Variants in SRGAP2B observed in about 807,000 individuals in gnomAD.
SRGAP2B encodes the protein SLIT-ROBO Rho GTPase activating protein 2B.
In SRGAP2B, 9 loss-of-function variants were observed where a neutral mutation model predicts 22.2. That is an observed-to-expected ratio of 0.41 (90% CI 0.24 to 0.71). SRGAP2B has a LOEUF of 0.71. Among genes scored for constraint, SRGAP2B ranks in the 30% least tolerant of loss-of-function variants. The pLI, the probability that SRGAP2B is intolerant of heterozygous loss-of-function variation, is 0.35. For missense variants in SRGAP2B, 114 were observed against 235.8 expected (o/e 0.48, Z 3.38); for synonymous variants, 36 against 87.4 (o/e 0.41, Z 3.28).
At chr1:144,984,095 C>A (rs587604038) in intron 3 of SRGAP2B, among the ~76,000 whole-genome samples, 1 of 150,418 alleles carries the variant, frequency 6.6e-6, no homozygotes. Context: ...CCAAGGTGTG[C>A]GGATCACCTG....
exon 10 of SRGAP2B, chr1:144,889,561 GT>G (rs1662095705): frequency 5.1e-5 from 1 of 19,712 alleles, no homozygotes; most frequent in African/African-American, 2.7e-4. Flanking sequence ...CTGCTCTGAT[GT>G]TTTTGAAGGG....
intron 2 of SRGAP2B, among the ~76,000 whole-genome samples, chr1:145,006,700 T>C (rs1671620203): frequency 6.6e-6 from 1 of 151,028 alleles, no homozygotes; most frequent in African/African-American, 2.5e-5. Context: ...AGTTTTTTTT[T>C]ATGGAAAGGT....
chr1:144,966,985 A>G (rs1335382943), intron 3 of SRGAP2B, among the ~76,000 whole-genome samples: 1 of 131,926 alleles, frequency 7.6e-6, no homozygotes, highest in African/African-American at 3.3e-5. Flanking sequence ...ACCCAGATTC[A>G]TAAAGCAAGT....
At chr1:144,984,369 A>ACC (rs1558801876) in intron 3 of SRGAP2B, among the ~76,000 whole-genome samples, 1 of 146,432 alleles carries the variant, frequency 6.8e-6, no homozygotes, top group African/African-American at 2.7e-5. Context: ...CAACAACAAA[A>ACC]AAAAAAAAAC....
intron 3 of SRGAP2B, among the ~76,000 whole-genome samples, chr1:144,957,211 G>C (rs1667330772): frequency 6.6e-6 from 1 of 150,908 alleles, no homozygotes; most frequent in Non-Finnish European, 1.5e-5. Flanking sequence ...AGAGTAGCTT[G>C]GTTATTGAGT....
chr1:144,940,696 G>A lies in SRGAP2B; in HGVS notation c.423+14743C>T, dbSNP rs587714293. ...CCCACGCCTGTAATCCCGGCTACTC[G>A]GGAGGCTGAGGCACGAGAATCACTT... is the stretch of plus-strand genomic sequence containing the variant. On this transcript the variant is annotated intron_variant, in intron 4 of 9. Coordinates refer to ENST00000612199, the Ensembl canonical transcript of SRGAP2B. 4.1e-5 allele frequency among the ~76,000 whole-genome samples: 6 copies of A among 148,086 alleles called. No homozygotes were observed. In the South Asian group the frequency reaches 1.1e-3, roughly 26 times the overall value.
intron 3 of SRGAP2B, among the ~76,000 whole-genome samples, chr1:144,986,335 C>T (rs2319648): frequency 3.2e-5 from 4 of 126,170 alleles, no homozygotes; most frequent in African/African-American, 1.3e-4. Context: ...CATGGCATTG[C>T]TAGCCCAACA....
At chr1:144,910,561 C>T (rs1274191219) in intron 5 of SRGAP2B, among the ~76,000 whole-genome samples, 2 of 148,732 alleles carry the variant, frequency 1.3e-5, no homozygotes, top group African/African-American at 5.1e-5. Flanking sequence ...AGCATAAGGC[C>T]TCTGGAATAA....
At chr1:144,925,727 A>AAAAGAAAGAAAGAAAGAAAG (rs202130146) in intron 4 of SRGAP2B, among the ~76,000 whole-genome samples, 12 of 104,204 alleles carry the variant, frequency 1.2e-4, no homozygotes, top group East Asian at 2.8e-4. Context: ...AGAGAGAAAG[A>AAAAGAAAGAAAGAAAGAAAG]AAAGAAAGAA....
exon 4 of SRGAP2B, chr1:144,955,598 C>A (rs1553610160): frequency 1.2e-6 from 1 of 814,252 alleles, no homozygotes; most frequent in Middle Eastern, 2.7e-4. Flanking sequence ...CATTCTGATC[C>A]TTCCTGTGAA....
intron 3 of SRGAP2B, among the ~76,000 whole-genome samples, chr1:144,966,696 C>A (rs1553612317): frequency 6.9e-6 from 1 of 145,768 alleles, no homozygotes; most frequent in African/African-American, 2.8e-5. Flanking sequence ...CACAGACTGG[C>A]AAATGGATAA....
At chr1:144,988,824 C>T (rs1669947624) in intron 3 of SRGAP2B, among the ~76,000 whole-genome samples, 1 of 145,950 alleles carries the variant, frequency 6.9e-6, no homozygotes, top group African/African-American at 2.6e-5. Context: ...ACAGATCTTC[C>T]CTCAACACCC....
chr1:145,031,845 T>C (rs1196974566), intron 2 of SRGAP2B, among the ~76,000 whole-genome samples: 1 of 109,800 alleles, frequency 9.1e-6, no homozygotes, highest in African/African-American at 4.0e-5. Flanking sequence ...AGACTCCGTC[T>C]CAAAAAAAAA....
chr1:144,944,417 G>A (rs1273425249), intron 4 of SRGAP2B, among the ~76,000 whole-genome samples: 9 of 149,332 alleles, frequency 6.0e-5, no homozygotes, highest in South Asian at 2.1e-4. Flanking sequence ...GCACCACAGC[G>A]AGACCCCATC....
At chr1:145,006,030 A>G (rs1349822743) in intron 2 of SRGAP2B, among the ~76,000 whole-genome samples, 3 of 150,776 alleles carry the variant, frequency 2.0e-5, no homozygotes, top group Admixed American at 1.3e-4. Context: ...TCCTATTGCA[A>G]TGGCTGTTCC....
At chr1:144,965,884 G>T (rs1432545899) in intron 3 of SRGAP2B, among the ~76,000 whole-genome samples, 6 of 147,254 alleles carry the variant, frequency 4.1e-5, no homozygotes, top group Non-Finnish European at 6.0e-5. Flanking sequence ...GGAAGAAAGG[G>T]TATCAGCAAT....
intron 3 of SRGAP2B, among the ~76,000 whole-genome samples, chr1:144,975,299 G>T (rs2102032454): frequency 6.8e-6 from 1 of 147,852 alleles, no homozygotes; most frequent in African/African-American, 2.7e-5. Context: ...TCTGGAGATT[G>T]AGGGATGCTA....
At position 145,072,799 on chromosome 1, in the gene SRGAP2B, C is replaced by T. The variant is rs587609610; in HGVS notation, c.67+20036G>A. On this transcript the variant is annotated intron_variant, in intron 2 of 9. Coordinates refer to ENST00000612199, the Ensembl canonical transcript of SRGAP2B. ...AGTTATTCAAATTAAGGAGATCAACCACTTCTGCCTCCACACCCCGAAACA... is the reference window on the plus strand; with the variant it reads ...AGTTATTCAAATTAAGGAGATCAACTACTTCTGCCTCCACACCCCGAAACA... Among the ~76,000 whole-genome samples the T allele has an allele frequency of 1.3e-5, 2 of 149,012 alleles. 1 individual carries two copies. The highest frequency in any genetic ancestry group is 5.1e-5 in the African/African-American group (2 of 39,380).
At chr1:144,945,567 G>T (rs1221288404) in intron 4 of SRGAP2B, among the ~76,000 whole-genome samples, 1 of 151,328 alleles carries the variant, frequency 6.6e-6, no homozygotes, top group East Asian at 1.9e-4. Flanking sequence ...CTCCAGCCTG[G>T]GGGACAGAGA....
Sources: allele counts gnomAD v4.1 joint callset (sites outside exome capture counted in the v4.1 genomes callset), GRCh38; gene constraint gnomAD v4.1.1; transcripts MANE v1.5; gene names NCBI Gene and HGNC (gene_info 2026-07-23, HGNC 2026-07-21).